CLOCK: variants seen among roughly 807,000 people sequenced by gnomAD.
The protein encoded by CLOCK is circadian locomoter output cycles protein kaput.
A neutral mutation model predicts 118.4 loss-of-function variants in CLOCK; 43 were observed. That is an observed-to-expected ratio of 0.36 (90% confidence interval 0.28 to 0.47). CLOCK has a LOEUF of 0.47. CLOCK is among the 20% of genes least tolerant of loss of function. The pLI is 1.00. For missense variants in CLOCK, 846 were observed against 999.9 expected (o/e 0.85, Z 2.08); for synonymous variants, 326 against 339.2 (o/e 0.96, Z 0.43).
intron 18 of CLOCK, among the ~76,000 whole-genome samples, chr4:55,446,031 A>G (rs139225438): frequency 6.6e-6 from 1 of 151,296 alleles, no homozygotes; most frequent in South Asian, 2.1e-4. Flanking sequence ...GACTGATTAC[A>G]CATACACCCT....
intron 1 of CLOCK, among the ~76,000 whole-genome samples, chr4:55,515,548 G>A (rs1030721268): frequency 6.6e-6 from 1 of 151,770 alleles, no homozygotes; most frequent in Admixed American, 6.6e-5. Flanking sequence ...TTAATTTTTT[G>A]AATTTTTTGT....
intron 1 of CLOCK, among the ~76,000 whole-genome samples, chr4:55,529,198 G>A (rs1346055382): frequency 6.6e-6 from 1 of 151,952 alleles, no homozygotes; most frequent in Non-Finnish European, 1.5e-5. Context: ...TTACTTTGTT[G>A]CCCAGGCAGG....
At chr4:55,481,030 G>C (rs1726895852) in intron 4 of CLOCK, among the ~76,000 whole-genome samples, 1 of 152,116 alleles carries the variant, frequency 6.6e-6, no homozygotes, top group African/African-American at 2.4e-5. Context: ...TGTAAGGAAA[G>C]ACCATTCCTA....
chr4:55,487,018 C>G (rs1038090304), intron 3 of CLOCK, among the ~76,000 whole-genome samples: 5 of 152,064 alleles, frequency 3.3e-5, no homozygotes, highest in African/African-American at 1.2e-4. Context: ...TATTTTTTCT[C>G]TACCATTTTC....
rs1722472382 is a variant in CLOCK, at chr4:55,431,108, GC to G, written c.*4306del. Reference sequence around the variant, plus strand: ...TCAAAATGAGTAATTGCAATAAAGTGCTTGTTACATTTCAAAATGATGCTTT... The same window carrying G: ...TCAAAATGAGTAATTGCAATAAAGTGTTGTTACATTTCAAAATGATGCTTT... On this transcript the variant is annotated 3_prime_UTR_variant, in exon 23 of 23. Transcript: ENST00000513440. The G allele has an allele frequency of 6.6e-6, 1 of 152,160 alleles. No homozygotes were observed. The highest frequency in any genetic ancestry group is 2.4e-5 in the African/African-American group (1 of 41,434). 9.4% of individuals were successfully genotyped at this position (152,160 alleles called of 1,614,324 possible).
chr4:55,522,092 G>A (rs370661058), intron 1 of CLOCK, among the ~76,000 whole-genome samples: 9 of 152,072 alleles, frequency 5.9e-5, no homozygotes, highest in African/African-American at 1.9e-4. Flanking sequence ...AAGTTATACC[G>A]GATTTCTTTC....
At chr4:55,546,559 C>G (rs902157041) in intron 1 of CLOCK, 1 of 152,092 alleles carries the variant, frequency 6.6e-6, no homozygotes, top group South Asian at 2.1e-4. Context: ...ACCACTACCC[C>G]GCCTGTGTCC....
At chr4:55,509,053 C>T (rs1201533817) in intron 2 of CLOCK, among the ~76,000 whole-genome samples, 1 of 152,180 alleles carries the variant, frequency 6.6e-6, no homozygotes, top group Non-Finnish European at 1.5e-5. Context: ...GTACTGAATA[C>T]TCAAGGCAAC....
intron 14 of CLOCK, 74 bp downstream of exon 14, chr4:55,453,603 C>G: frequency 7.8e-7 from 1 of 1,279,614 alleles, no homozygotes; most frequent in African/African-American, 1.5e-5. Context: ...TAACAACTTA[C>G]GCATAAAAGT....
At chr4:55,444,929 C>T (rs1723680225) in intron 18 of CLOCK, 144 bp from the exon 19 acceptor site, 10 of 868,806 alleles carry the variant, frequency 1.2e-5, no homozygotes, top group Non-Finnish European at 1.8e-5. Flanking sequence ...TTCTAATCCA[C>T]CCATCTTTGC....
chr4:55,493,953 A>G (rs1445852691), intron 2 of CLOCK, among the ~76,000 whole-genome samples: 1 of 152,226 alleles, frequency 6.6e-6, no homozygotes, highest in Admixed American at 6.5e-5. Context: ...AAAACTAAAA[A>G]ATTAATACAG....
At chr4:55,536,342 C>T (rs898907601) in intron 1 of CLOCK, among the ~76,000 whole-genome samples, 2 of 152,012 alleles carry the variant, frequency 1.3e-5, no homozygotes, top group African/African-American at 4.8e-5. Flanking sequence ...GATGCTTGTC[C>T]CCTCCAAATC....
rs576900799 is a variant in CLOCK at position 55,431,273 on chromosome 4, A to G, written c.*4142T>C. The G allele has an allele frequency of 6.6e-6, 1 of 152,344 alleles. No homozygotes were observed. The highest frequency in any genetic ancestry group is 1.9e-4 in the East Asian group (1 of 5,190). The allele number at this position is 152,344 out of a possible 1,614,324, so 9.4% of individuals were successfully genotyped here. On this transcript the variant is annotated 3_prime_UTR_variant, in exon 23 of 23. Transcript: ENST00000513440. ...TAGGCTGACAATAGGCACATTACCC[A>G]TGCGGATGAGGCTATACTAGTGCTA...
chr4:55,515,926 C>CA (rs139276345), intron 1 of CLOCK, among the ~76,000 whole-genome samples: 3,474 of 151,938 alleles, frequency 0.023, 124 homozygotes, highest in African/African-American at 0.079. Context: ...TGTAGTGTGG[C>CA]AAAAAAAGAT....
chr4:55,476,172 T>C (rs1264118343), intron 6 of CLOCK, 118 bp from the exon 7 acceptor site: 1 of 709,566 alleles, frequency 1.4e-6, no homozygotes, highest in African/African-American at 1.8e-5. Flanking sequence ...GGCATTAACA[T>C]TTATTGGGTA....
chr4:55,442,344 TTAAAAAA>T, intron 21 of CLOCK, 81 bp downstream of exon 21: 1 of 1,172,692 alleles, frequency 8.5e-7, no homozygotes, highest in Non-Finnish European at 1.3e-6. Context: ...TAAAATCACA[TTAAAAAA>T]TTTGATTAAG....
At chr4:55,437,278 T>A (rs1394082509) in intron 22 of CLOCK, among the ~76,000 whole-genome samples, 1 of 149,798 alleles carries the variant, frequency 6.7e-6, no homozygotes, top group Non-Finnish European at 1.5e-5. Flanking sequence ...TCACATCACA[T>A]GTTATATAAC....
chr4:55,461,428 C>T (rs373914806), intron 9 of CLOCK, among the ~76,000 whole-genome samples: 1 of 152,074 alleles, frequency 6.6e-6, no homozygotes, highest in Non-Finnish European at 1.5e-5. Context: ...GCAATGAAGA[C>T]CTGGACCTCC....
chr4:55,540,636 C>T (rs1230597502), intron 1 of CLOCK: 1 of 152,168 alleles, frequency 6.6e-6, no homozygotes, highest in African/African-American at 2.4e-5. Flanking sequence ...CGCAGCTGCT[C>T]GTATACCCTT....
Sources: allele counts gnomAD v4.1 joint callset (sites outside exome capture counted in the v4.1 genomes callset), GRCh38; gene constraint gnomAD v4.1.1; transcripts MANE v1.5; gene names NCBI Gene and HGNC (gene_info 2026-07-23, HGNC 2026-07-21).